Variants in MGST2 observed in about 807,000 individuals in gnomAD.
MGST2 encodes the protein glutathione peroxidase MGST2.
MGST2 carries 9 observed loss-of-function variants against 16.6 expected under a neutral mutation model. The observed-to-expected ratio is 0.54, with a 90% CI of 0.33 to 0.95. MGST2 has a LOEUF of 0.95. MGST2 is among the 40% of genes least tolerant of loss of function. MGST2 has a pLI of 0.03. For synonymous variants in MGST2, 79 were observed against 68.0 expected, an observed-to-expected ratio of 1.16 and a Z score of -0.79; for missense variants, 159 against 175.1, an observed-to-expected ratio of 0.91 and a Z score of 0.52.
intron 2 of MGST2, among the ~76,000 whole-genome samples, chr4:139,690,251 CA>C (rs1726495208): frequency 6.6e-6 from 1 of 152,108 alleles, no homozygotes. Flanking sequence ...CTCGGCCTCC[CA>C]AACTGCTAGG....
chr4:139,732,375 C>G (rs1415065218), intron 5 of MGST2, among the ~76,000 whole-genome samples: 2 of 152,128 alleles, frequency 1.3e-5, no homozygotes, highest in Non-Finnish European at 2.9e-5. Flanking sequence ...TCCACTATGA[C>G]TGACTTCAAC....
intron 5 of MGST2, among the ~76,000 whole-genome samples, chr4:139,712,583 T>C (rs1316385528): frequency 6.6e-6 from 1 of 152,228 alleles, no homozygotes. Flanking sequence ...GATAAGACTT[T>C]TTAAAAAGCC....
chr4:139,704,085 A>G lies in MGST2; in HGVS notation c.381A>G (p.Ala127=). The change falls in exon 5 of 5, where the codon GCA becomes GCG. Residue 127 remains alanine (A), a synonymous_variant. Coordinates refer to ENST00000265498, the MANE Select transcript of MGST2 (RefSeq NM_002413.5). Reference sequence around the variant, plus strand: ...CCCTCCTAGGTGCCCTGGGAATTGCAAACAGCTTTCTGGATGAATATCTGG... The same window carrying G: ...CCCTCCTAGGTGCCCTGGGAATTGCGAACAGCTTTCTGGATGAATATCTGG... ...LLTLLGALGI[A]NSFLDEYLDL... 1 of 1,614,158 alleles carries G rather than the reference A, an allele frequency of 6.2e-7. No homozygotes were observed. Among genetic ancestry groups the G allele is most frequent in the Non-Finnish European group, 8.5e-7 (1 of 1,180,032 alleles).
At chr4:139,678,459 T>A in intron 1 of MGST2, 84 bp from the exon 2 acceptor site, 1 of 944,746 alleles carries the variant, frequency 1.1e-6, no homozygotes, top group Non-Finnish European at 1.7e-6. Flanking sequence ...TATGTAGTAC[T>A]ATCTAATTGT....
chr4:139,666,803 T>A (rs1017960251), intron 1 of MGST2, among the ~76,000 whole-genome samples: 2 of 152,202 alleles, frequency 1.3e-5, no homozygotes, highest in African/African-American at 2.4e-5. Context: ...TTTCCAAGTA[T>A]GCCTGTACCA....
intron 5 of MGST2, among the ~76,000 whole-genome samples, chr4:139,732,901 T>C (rs1728781566): frequency 6.6e-6 from 1 of 152,218 alleles, no homozygotes; most frequent in Non-Finnish European, 1.5e-5. Flanking sequence ...GTATTTTCTC[T>C]ATAAATACAC....
chr4:139,734,682 T>G (rs1030166300), intron 5 of MGST2, among the ~76,000 whole-genome samples: 2 of 152,106 alleles, frequency 1.3e-5, no homozygotes, highest in Admixed American at 6.5e-5. Context: ...AAAACAGTTG[T>G]GGTAAAAATA....
intron 2 of MGST2, among the ~76,000 whole-genome samples, chr4:139,685,737 C>T (rs1731523863): frequency 6.6e-6 from 1 of 152,242 alleles, no homozygotes; most frequent in Non-Finnish European, 1.5e-5. Context: ...AATCTTGGCT[C>T]ACTGCAACCT....
chr4:139,695,221 T>C lies in MGST2; in HGVS notation c.183T>C (p.Pro61=). The C allele has an allele frequency of 6.2e-7, 1 of 1,613,312 alleles. No homozygotes were observed. The highest frequency in any genetic ancestry group is 8.5e-7 in the Non-Finnish European group (1 of 1,179,188). The change falls in exon 3 of 5, where the codon CCT becomes CCC. Residue 61 remains proline (P), a synonymous_variant. Coordinates refer to ENST00000265498, the MANE Select transcript of MGST2 (RefSeq NM_002413.5). ...RAQQNCVEFY[P]IFIITLWMAG... is the part of the protein sequence containing the mutation. ...GACAAAACTGTGTGGAGTTTTATCC[T>C]ATATTCATAATTACATTGTGGATGG... is the stretch of plus-strand genomic sequence containing the variant.
In MGST2 at chr4:139,695,315, T is replaced by C. The variant is rs538715868; in HGVS notation, c.229+48T>C. 9.7e-6 allele frequency: 14 copies of C among 1,444,798 alleles called. No individual in the cohort carries two copies. In the East Asian group the frequency reaches 3.2e-4, roughly 33 times the overall value. The allele number at this position is 1,444,798 out of a possible 1,614,324, so 89.5% of individuals were successfully genotyped here. ...TGTGTTCTAATGATGACTGTGATGC[T>C]TAAACGATTAAGGAGTAGATATATG... On this transcript the variant is annotated intron_variant, in intron 3 of 4. Transcript: ENST00000265498.
chr4:139,681,210 G>A (rs1027328973), intron 2 of MGST2, among the ~76,000 whole-genome samples: 15 of 152,038 alleles, frequency 9.9e-5, no homozygotes, highest in African/African-American at 2.4e-4. Flanking sequence ...TAGAGATAAG[G>A]TTTCACCATG....
chr4:139,725,073 T>G (rs1056218454), intron 5 of MGST2, among the ~76,000 whole-genome samples: 5 of 152,182 alleles, frequency 3.3e-5, no homozygotes, highest in Non-Finnish European at 7.3e-5. Context: ...GCTCTCTCTA[T>G]TAGAGATGGA....
At chr4:139,719,487 C>T (rs374219571) in intron 5 of MGST2, 15 of 1,613,906 alleles carry the variant, frequency 9.3e-6, no homozygotes, top group Non-Finnish European at 1.3e-5. Flanking sequence ...GCATTCCGCT[C>T]ATAGGCTTGG....
intron 1 of MGST2, among the ~76,000 whole-genome samples, chr4:139,677,993 A>T (rs1731050649): frequency 6.6e-6 from 1 of 152,034 alleles, no homozygotes; most frequent in African/African-American, 2.4e-5. Flanking sequence ...TGGCTTAGTG[A>T]TTTTGGGGTC....
intron 5 of MGST2, among the ~76,000 whole-genome samples, chr4:139,710,534 C>T (rs1282425902): frequency 6.6e-6 from 1 of 152,084 alleles, no homozygotes; most frequent in Non-Finnish European, 1.5e-5. Flanking sequence ...TGTCAGCGTC[C>T]CCCTGTGCCC....
In MGST2 at chr4:139,735,725, C is replaced by G. The variant is rs2111006668; in HGVS notation, c.*49-4487C>G. Among the ~76,000 whole-genome samples the G allele has an allele frequency of 6.6e-6, 1 of 152,344 alleles. No individual in the cohort carries two copies. Among genetic ancestry groups the G allele is most frequent in the East Asian group, 1.9e-4 (1 of 5,184 alleles). On this transcript the variant is annotated intron_variant, in intron 5 of 5. Transcript: ENST00000616265. The surrounding 1 kb of genome is among the most constrained non-coding windows in gnomAD (Gnocchi z 5.8). ...CTCTCGACTCCAGCCTATATGCTTA[C>G]AAGTCCTCAGGGGACTCCGGCTAGG... is the stretch of plus-strand genomic sequence containing the variant.
intron 5 of MGST2, among the ~76,000 whole-genome samples, chr4:139,739,562 T>C (rs1729080958): frequency 6.6e-6 from 1 of 152,124 alleles, no homozygotes; most frequent in Non-Finnish European, 1.5e-5. Flanking sequence ...AAATAAATTA[T>C]GGTACATCCA....
At chr4:139,675,507 A>G (rs917932186) in intron 1 of MGST2, among the ~76,000 whole-genome samples, 4 of 152,256 alleles carry the variant, frequency 2.6e-5, no homozygotes, top group African/African-American at 9.6e-5. Flanking sequence ...ACTGTTTTAT[A>G]ACAGGGAAAC....
intron 3 of MGST2, among the ~76,000 whole-genome samples, chr4:139,700,663 C>T (rs1259027395): frequency 1.3e-5 from 2 of 152,300 alleles, no homozygotes; most frequent in African/African-American, 4.8e-5. Context: ...AACCCATGCA[C>T]CTTTTCTTAA....
Sources: gnomAD v4.1 joint callset for allele counts (sites outside exome capture counted in the v4.1 genomes callset) on GRCh38, gnomAD v4.1.1 for gene constraint, Gnocchi (gnomAD v3.1) non-coding constraint, MANE v1.5 for transcripts, NCBI Gene and HGNC (gene_info 2026-07-23, HGNC 2026-07-21) for gene names.